PRKCB: variants seen among roughly 807,000 people sequenced by gnomAD.
PRKCB encodes the protein protein kinase C beta type.
Under a neutral mutation model 81.5 loss-of-function variants are expected in PRKCB, and 13 were observed. That is an observed-to-expected ratio of 0.16 (90% CI 0.10 to 0.25). The LOEUF (loss-of-function observed/expected upper bound fraction) is 0.25. PRKCB is among the 10% of genes least tolerant of loss of function. The probability of loss-of-function intolerance (pLI) is 1.00; values close to 1 mark genes in which losing one functional copy is unlikely to be tolerated. For synonymous variants in PRKCB, 335 were observed against 321.4 expected, an observed-to-expected ratio of 1.04 and a Z score of -0.45; for missense variants, 509 against 875.7, an observed-to-expected ratio of 0.58 and a Z score of 5.29.
intron 9 of PRKCB, among the ~76,000 whole-genome samples, chr16:24,149,895 G>A (rs763264160): frequency 1.4e-4 from 22 of 152,214 alleles, no homozygotes; most frequent in African/African-American, 2.7e-4. Context: ...GGAACATAAA[G>A]GTTTCAAACA....
chr16:24,094,828 G>A (rs71379843), intron 7 of PRKCB, among the ~76,000 whole-genome samples: 1 of 146,522 alleles, frequency 6.8e-6, no homozygotes, highest in Non-Finnish European at 1.5e-5. Flanking sequence ...AGGAAGGAAG[G>A]AAGGAAGGAA....
At chr16:23,855,562 C>A (rs922383046) in intron 2 of PRKCB, among the ~76,000 whole-genome samples, 1 of 152,136 alleles carries the variant, frequency 6.6e-6, no homozygotes, top group Non-Finnish European at 1.5e-5. Flanking sequence ...AAGACCTCAT[C>A]TTTATTTAGT....
chr16:23,858,617 G>T (rs1962613107), intron 2 of PRKCB, among the ~76,000 whole-genome samples: 1 of 151,940 alleles, frequency 6.6e-6, no homozygotes, highest in South Asian at 2.1e-4. Context: ...AAGGAATTCA[G>T]AAAGTGGCTT....
chr16:23,905,482 A>T (rs1234645295), intron 2 of PRKCB, among the ~76,000 whole-genome samples: 1 of 152,190 alleles, frequency 6.6e-6, no homozygotes, highest in Non-Finnish European at 1.5e-5. Flanking sequence ...GTAAACAAGG[A>T]ACACCTTTTT....
intron 16 of PRKCB, among the ~76,000 whole-genome samples, chr16:24,204,352 A>G (rs1346532176): frequency 6.6e-6 from 1 of 152,096 alleles, no homozygotes; most frequent in Admixed American, 6.5e-5. Flanking sequence ...TGGAAAGCCC[A>G]TGGGCTTTGG....
intron 5 of PRKCB, among the ~76,000 whole-genome samples, chr16:24,061,752 A>G (rs994414040): frequency 5.9e-5 from 9 of 152,142 alleles, no homozygotes; most frequent in Non-Finnish European, 1.2e-4. Flanking sequence ...CCATAAAAAT[A>G]AATAACTTCC....
intron 2 of PRKCB, among the ~76,000 whole-genome samples, chr16:23,932,720 A>G (rs951275258): frequency 2.0e-5 from 3 of 152,234 alleles, no homozygotes; most frequent in African/African-American, 4.8e-5. Context: ...GGATGGGGGA[A>G]GCAGTTGCCT....
intron 16 of PRKCB, among the ~76,000 whole-genome samples, chr16:24,199,958 G>A (rs1967933617): frequency 6.6e-6 from 1 of 152,210 alleles, no homozygotes; most frequent in South Asian, 2.1e-4. Flanking sequence ...ATCGAATGGT[G>A]TCTGTTACAT....
intron 2 of PRKCB, among the ~76,000 whole-genome samples, chr16:23,902,257 G>GCC (rs1186693957): frequency 6.6e-6 from 1 of 152,030 alleles, no homozygotes; most frequent in Non-Finnish European, 1.5e-5. Context: ...AAAAACATTT[G>GCC]CCCCTGCCTT....
chr16:24,219,844 A>G lies in PRKCB; in HGVS notation c.*5028A>G. 2 of 1,432,880 alleles carry G rather than the reference A, an allele frequency of 1.4e-6. No individual in the cohort carries two copies. The highest frequency in any genetic ancestry group is 1.8e-6 in the Non-Finnish European group (2 of 1,090,750). 88.8% of individuals were successfully genotyped at this position (1,432,880 alleles called of 1,614,324 possible). The stretch of plus-strand genomic sequence containing the variant: ...AGTGCAGCTGCTAAAAATTTTCAGC[A>G]CAGGGCTCTTTCTGACTCTGCTCAT... On this transcript the variant is annotated 3_prime_UTR_variant, in exon 17 of 17. Coordinates refer to ENST00000643927, the MANE Select transcript of PRKCB (RefSeq NM_002738.7).
rs762493561 is a variant in PRKCB, at chr16:23,889,160, ATCCATCCATCCG to A, written c.205+51763_205+51774del. The stretch of plus-strand genomic sequence containing the variant: ...CATCCATCCATCCATCCATCCATCC[ATCCATCCATCCG>A]TCCATCCACATTCAATGTAGTGTAA... On this transcript the variant is annotated intron_variant, in intron 2 of 16. Transcript: ENST00000643927. Among the ~76,000 whole-genome samples the A allele has an allele frequency of 6.7e-4, 62 of 93,078 alleles. 1 individual carries two copies. Among genetic ancestry groups the A allele is most frequent in the Admixed American group, 4.5e-3 (35 of 7,860 alleles). The allele number at this position is 93,078 out of a possible 152,430, so 61.1% of individuals were successfully genotyped here.
At chr16:24,046,118 C>G (rs1254845437) in intron 5 of PRKCB, among the ~76,000 whole-genome samples, 1 of 152,248 alleles carries the variant, frequency 6.6e-6, no homozygotes, top group Non-Finnish European at 1.5e-5. Flanking sequence ...TTGCCTTTGT[C>G]CTCTACCACC....
intron 9 of PRKCB, among the ~76,000 whole-genome samples, chr16:24,141,288 A>G (rs365849): frequency 0.32 from 48,177 of 151,924 alleles, 7,873 homozygotes; most frequent in South Asian, 0.46. Flanking sequence ...TCCACCTCCC[A>G]GGTTCAAGTG....
Position 24,067,077 on chromosome 16 carries a change from C to T in PRKCB, c.530-25714C>T, listed in dbSNP as rs539399162. On this transcript the variant is annotated intron_variant, in intron 5 of 16. Coordinates refer to ENST00000643927, the MANE Select transcript of PRKCB (RefSeq NM_002738.7). ...TGTTGCCCCAGGCTGGTCTTGAACT[C>T]CTGGCCTCAAGTGATCACCCCTCCT... Among the ~76,000 whole-genome samples the T allele has an allele frequency of 2.0e-5, 3 of 152,186 alleles. No individual in the cohort carries two copies. The South Asian group carries it at 6.2e-4, about 32-fold the overall frequency.
At chr16:24,018,341 G>A (rs766784559) in intron 3 of PRKCB, among the ~76,000 whole-genome samples, 11 of 152,136 alleles carry the variant, frequency 7.2e-5, no homozygotes, top group Admixed American at 2.6e-4. Context: ...GTGAGCCACC[G>A]GACCTGGCAG....
intron 2 of PRKCB, among the ~76,000 whole-genome samples, chr16:23,962,059 G>C (rs1191768392): frequency 1.3e-5 from 2 of 152,064 alleles, no homozygotes; most frequent in African/African-American, 4.8e-5. Flanking sequence ...CGCATCTCTG[G>C]GTTCATTTAT....
intron 1 of PRKCB, 43 bp from the exon 2 acceptor site, chr16:23,837,332 G>A: frequency 6.2e-7 from 1 of 1,612,180 alleles, no homozygotes; most frequent in Non-Finnish European, 8.5e-7. Context: ...TGGAGGCTGG[G>A]CCCCCCGGGC....
At chr16:24,033,898 G>A (rs752649885) in intron 4 of PRKCB, among the ~76,000 whole-genome samples, 15 of 152,090 alleles carry the variant, frequency 9.9e-5, no homozygotes, top group East Asian at 1.9e-4. Context: ...AGAGAGACAC[G>A]GAGGAGAGAG....
chr16:24,195,432 G>T (rs899516631), intron 16 of PRKCB, among the ~76,000 whole-genome samples: 1 of 152,098 alleles, frequency 6.6e-6, no homozygotes, highest in Non-Finnish European at 1.5e-5. Context: ...ATCTGTCAGC[G>T]TTTCTGATTC....
Sources: allele counts gnomAD v4.1 joint callset (sites outside exome capture counted in the v4.1 genomes callset), GRCh38; gene constraint gnomAD v4.1.1; transcripts MANE v1.5; gene names NCBI Gene and HGNC (gene_info 2026-07-23, HGNC 2026-07-21).